Variants in AASDH observed in about 807,000 individuals in gnomAD.
AASDH encodes the protein aminoadipate-semialdehyde dehydrogenase.
A neutral mutation model predicts 102.3 loss-of-function variants in AASDH; 81 were observed. That is an observed-to-expected ratio of 0.79 (90% CI 0.66 to 0.95). The LOEUF is 0.95. Among genes scored for constraint, AASDH ranks in the 40% least tolerant of loss-of-function variants. AASDH has a pLI of 0.00. For missense variants in AASDH, 1,203 were observed against 1,266.2 expected (o/e 0.95, Z 0.76); for synonymous variants, 398 against 454.0 (o/e 0.88, Z 1.57).
At position 56,384,322 on chromosome 4, in the gene AASDH, T is replaced by C; in HGVS notation, c.-23A>G. The C allele has an allele frequency of 1.2e-6, 2 of 1,605,730 alleles. No homozygotes were observed. The highest frequency in any genetic ancestry group is 1.7e-6 in the Non-Finnish European group (2 of 1,172,912). On this transcript the variant is annotated 5_prime_UTR_variant, in exon 2 of 15. The change abolishes an upstream ATG in the 5' untranslated region. Coordinates refer to ENST00000205214, the MANE Select transcript of AASDH (RefSeq NM_181806.4). ...CATTTCACTGAAGTTTATCTAAACA[T>C]CAATTTGTAGCACAGAACCCTGTGT...
At position 56,349,934 on chromosome 4, in the gene AASDH, G is replaced by A. The variant is rs761563475; in HGVS notation, c.1817C>T (p.Ser606Leu). 5 of 1,614,010 alleles carry A rather than the reference G, an allele frequency of 3.1e-6. No individual in the cohort carries two copies. The highest frequency in any genetic ancestry group is 3.3e-5 in the Admixed American group (2 of 59,998). Residue 606 changes from serine (S) to leucine (L), a missense_variant, in exon 11 of 15, where the codon TCA becomes TTA. Physicochemically the swap from Ser to Leu is moderately radical, Grantham distance 145 (BLOSUM62 -2). Transcript: ENST00000205214. ...AATAATTTCCAGAAGCCCAGGTACT[G>A]ATGTACCAACAAGTTTTTCAATCTC... ...LSEIEKLVGT[S>L]VPGLLEIILS...
rs746296812 is a variant in AASDH, at chr4:56,349,987, A to G, written c.1764T>C (p.Asp588=). The G allele has an allele frequency of 6.2e-7, 1 of 1,612,594 alleles. No individual in the cohort carries two copies. Among genetic ancestry groups the G allele is most frequent in the South Asian group, 1.1e-5 (1 of 91,036 alleles). ...DESLFLNSGG[D]SLKSIRLLSE... ...TGAGGAGCCGGATGGACTTTAAGGAATCTCCACCACTATTTAAGAAGAGTG... is the reference window on the plus strand; with the variant it reads ...TGAGGAGCCGGATGGACTTTAAGGAGTCTCCACCACTATTTAAGAAGAGTG... Residue 588 remains aspartate, a synonymous_variant, in exon 11 of 15, where the codon GAT becomes GAC. Coordinates refer to ENST00000205214, the MANE Select transcript of AASDH (RefSeq NM_181806.4).
rs7663932 is a variant in AASDH, at chr4:56,371,466, T to C, written c.846A>G (p.Arg282=). The C allele has an allele frequency of 6.2e-7, 1 of 1,611,440 alleles. No homozygotes were observed. Among genetic ancestry groups the C allele is most frequent in the Admixed American group, 1.7e-5 (1 of 59,234 alleles). ...KLASVLFSHH[R]VTVLQATPTL... The stretch of plus-strand genomic sequence containing the variant: ...TAAAATGTACCTGCAAAACAGTCAC[T>C]CTATGATGGGAAAAGAGAACGCTGG... The change falls in exon 5 of 15, where the codon AGA becomes AGG. Residue 282 remains arginine, a synonymous_variant. Transcript: ENST00000205214.
intron 1 of AASDH, among the ~76,000 whole-genome samples, chr4:56,385,779 A>AT (rs141126360): frequency 0.1 from 15,582 of 150,990 alleles, 1,002 homozygotes; most frequent in East Asian, 0.3. Flanking sequence ...TGTTTTTGTT[A>AT]TTTTTTTTTA....
chr4:56,360,318 G>A (rs977076175), intron 5 of AASDH, among the ~76,000 whole-genome samples: 2 of 152,196 alleles, frequency 1.3e-5, no homozygotes, highest in African/African-American at 4.8e-5. Flanking sequence ...GGCTAGAAGA[G>A]CTGTTGACCT....
intron 5 of AASDH, among the ~76,000 whole-genome samples, chr4:56,365,409 A>C (rs551786880): frequency 2.6e-5 from 4 of 152,248 alleles, no homozygotes; most frequent in African/African-American, 9.6e-5. Context: ...AAATCAACAG[A>C]ATATACATTC....
intron 14 of AASDH, among the ~76,000 whole-genome samples, chr4:56,339,713 T>C (rs1394876999): frequency 1.4e-5 from 2 of 141,698 alleles, no homozygotes; most frequent in African/African-American, 5.3e-5. Flanking sequence ...ATCACACTAC[T>C]GCACTCCACC....
At chr4:56,347,509 T>C (rs967736868) in intron 11 of AASDH, among the ~76,000 whole-genome samples, 1 of 152,150 alleles carries the variant, frequency 6.6e-6, no homozygotes, top group African/African-American at 2.4e-5. Flanking sequence ...GGAGATATTA[T>C]ACCCAGGACC....
intron 1 of AASDH, among the ~76,000 whole-genome samples, chr4:56,386,783 G>C (rs1419612500): frequency 9.8e-6 from 1 of 101,904 alleles, no homozygotes; most frequent in Non-Finnish European, 1.7e-5. Context: ...CTGGGCGACA[G>C]AGCGAGACTC....
Position 56,378,467 on chromosome 4 carries a change from G to A in AASDH, c.352-3C>T. 1 of 1,585,878 alleles carries A rather than the reference G, an allele frequency of 6.3e-7. No homozygotes were observed. Among genetic ancestry groups the A allele is most frequent in the Non-Finnish European group, 8.6e-7 (1 of 1,167,812 alleles). ...GTTTCATGAAAAGATTTAAATTTCTGTGTGAAATGGGGGACAAAGTTTACA... is the reference window on the plus strand; with the variant it reads ...GTTTCATGAAAAGATTTAAATTTCTATGTGAAATGGGGGACAAAGTTTACA... On this transcript the variant is annotated splice_polypyrimidine_tract_variant and splice_region_variant and intron_variant, in intron 3 of 14. Transcript: ENST00000205214.
chr4:56,356,030 C>T, intron 5 of AASDH: 1 of 505,902 alleles, frequency 2.0e-6, no homozygotes, highest in South Asian at 3.5e-5. Flanking sequence ...ATAAAAAGGA[C>T]AAAATCTATA....
chr4:56,375,645 T>C (rs1041821689), intron 4 of AASDH, among the ~76,000 whole-genome samples: 1 of 152,152 alleles, frequency 6.6e-6, no homozygotes, highest in African/African-American at 2.4e-5. Flanking sequence ...CAGTGCCTCT[T>C]AGTCGGCTGT....
At chr4:56,340,684 T>C (rs527497497) in intron 14 of AASDH, among the ~76,000 whole-genome samples, 9 of 152,272 alleles carry the variant, frequency 5.9e-5, no homozygotes, top group East Asian at 1.9e-4. Flanking sequence ...TAAGTGGGAC[T>C]ATATTAAGCT....
chr4:56,348,188 G>C (rs1748546024), intron 11 of AASDH, among the ~76,000 whole-genome samples: 1 of 150,482 alleles, frequency 6.6e-6, no homozygotes, highest in South Asian at 2.1e-4. Flanking sequence ...TGAATTCTTT[G>C]ATGTACTTCC....
At chr4:56,359,096 G>T (rs1410327689) in intron 5 of AASDH, among the ~76,000 whole-genome samples, 7 of 137,778 alleles carry the variant, frequency 5.1e-5, no homozygotes, top group Non-Finnish European at 7.8e-5. Flanking sequence ...GCTTTTTTTT[G>T]TTGTTGTTGT....
chr4:56,357,737 A>G (rs1478886865), intron 5 of AASDH, among the ~76,000 whole-genome samples: 1 of 151,654 alleles, frequency 6.6e-6, no homozygotes, highest in East Asian at 1.9e-4. Context: ...CTTTCACTCA[A>G]CATAATAGAT....
chr4:56,339,812 T>G (rs1056990419), intron 14 of AASDH, among the ~76,000 whole-genome samples: 20 of 123,620 alleles, frequency 1.6e-4, no homozygotes, highest in Non-Finnish European at 2.9e-4. Context: ...TGTATCTTCT[T>G]TTCCAAATGT....
intron 5 of AASDH, among the ~76,000 whole-genome samples, chr4:56,362,383 G>C (rs1235267846): frequency 6.6e-6 from 1 of 152,144 alleles, no homozygotes; most frequent in Non-Finnish European, 1.5e-5. Context: ...CCCTGCCTCA[G>C]CCTCCTGAGT....
At chr4:56,354,566 T>C in intron 7 of AASDH, 139 bp downstream of exon 7, 1 of 612,852 alleles carries the variant, frequency 1.6e-6, no homozygotes, top group Non-Finnish European at 2.8e-6. Context: ...ATTTGGTATT[T>C]CATGACTATA....
Sources: allele counts gnomAD v4.1 joint callset (sites outside exome capture counted in the v4.1 genomes callset), GRCh38; gene constraint gnomAD v4.1.1; transcripts MANE v1.5; gene names NCBI Gene and HGNC (gene_info 2026-07-23, HGNC 2026-07-21).